Variants in CKAP2L observed in about 807,000 individuals in gnomAD.
CKAP2L encodes the protein cytoskeleton associated protein 2L, also known as cytoskeleton-associated protein 2-like.
A neutral mutation model predicts 65.7 loss-of-function variants in CKAP2L; 42 were observed. That is an observed-to-expected ratio of 0.64 (90% CI 0.50 to 0.83). The LOEUF (loss-of-function observed/expected upper bound fraction) is 0.83, where lower values mean the gene tolerates loss of function less well. CKAP2L is among the 40% of genes least tolerant of loss of function. The pLI is 0.00. For synonymous variants in CKAP2L, 325 were observed against 313.5 expected, an observed-to-expected ratio of 1.04 and a Z score of -0.39; for missense variants, 908 against 871.0, an observed-to-expected ratio of 1.04 and a Z score of -0.53.
At chr2:112,760,285 A>G (rs1217732975) in intron 3 of CKAP2L, among the ~76,000 whole-genome samples, 1 of 152,194 alleles carries the variant, frequency 6.6e-6, no homozygotes, top group African/African-American at 2.4e-5. Context: ...GCAGCATACC[A>G]AAGTGGTTAA....
chr2:112,763,580 C>G (rs7591704), intron 1 of CKAP2L: 86,557 of 151,852 alleles, frequency 0.57, 26,175 homozygotes, highest in African/African-American at 0.79. Context: ...CCATAAGAGA[C>G]GAAAAGAAGT....
intron 8 of CKAP2L, 75 bp downstream of exon 8, chr2:112,740,743 A>T: frequency 8.0e-7 from 1 of 1,249,000 alleles, no homozygotes; most frequent in South Asian, 1.4e-5. Flanking sequence ...GTTACTCTAG[A>T]TCTGTGAAGG....
rs1680394542 is a variant in CKAP2L at position 112,752,290 on chromosome 2, CTGTCAGAGTGTTGT to C, written c.1565_1578del (p.Asn522ArgfsTer13). 6.2e-7 allele frequency: 1 copy of C among 1,613,626 alleles called. No individual in the cohort carries two copies. Among genetic ancestry groups the C allele is most frequent in the African/African-American group, 1.3e-5 (1 of 74,912 alleles). On this transcript the variant is annotated frameshift_variant, in exon 5 of 9. Coordinates refer to ENST00000302450, the MANE Select transcript of CKAP2L (RefSeq NM_152515.5). LOFTEE classifies it high-confidence loss of function. Reference sequence around the variant, plus strand: ...ACCCCTTCGATGAGGTTCAGACATTCTGTCAGAGTGTTGTTAATTTTACTGGACAGTTCGAGTTG... The same window carrying C: ...ACCCCTTCGATGAGGTTCAGACATTCTAATTTTACTGGACAGTTCGAGTTG...
chr2:112,746,638 T>G, intron 5 of CKAP2L, 63 bp from the exon 6 acceptor site: 72 of 1,202,118 alleles, frequency 6.0e-5, no homozygotes, highest in Non-Finnish European at 7.6e-5. Context: ...TCACATCTCC[T>G]AATATTTATT....
intron 1 of CKAP2L, among the ~76,000 whole-genome samples, chr2:112,763,133 T>C (rs1226257134): frequency 6.6e-6 from 1 of 152,206 alleles, no homozygotes; most frequent in East Asian, 1.9e-4. Context: ...CAATGAGTTT[T>C]TGCAATCTGA....
At chr2:112,753,539 TTTTTTTTTGAGACAG>T (rs1295061237) in intron 4 of CKAP2L, among the ~76,000 whole-genome samples, 2 of 143,056 alleles carry the variant, frequency 1.4e-5, no homozygotes, top group Non-Finnish European at 3.0e-5. Flanking sequence ...TTTTTTTTTT[TTTTTTTTTGAGACAG>T]TTTTGCTCTG....
Position 112,756,561 on chromosome 2 carries a change from T to C in CKAP2L, c.810A>G (p.Pro270=), listed in dbSNP as rs1415236314. ...QLSRGADLAR[P]GVKPSRTVPS... The stretch of plus-strand genomic sequence containing the variant: ...GAACCGTCCTTGAGGGTTTTACTCC[T>C]GGTCTTGCAAGATCTGCTCCTCTAG... The change falls in exon 4 of 9, where the codon CCA becomes CCG. Residue 270 remains proline, a synonymous_variant. Coordinates refer to ENST00000302450, the MANE Select transcript of CKAP2L (RefSeq NM_152515.5). 6.2e-7 allele frequency: 1 copy of C among 1,612,164 alleles called. No homozygotes were observed. The highest frequency in any genetic ancestry group is 1.7e-5 in the Admixed American group (1 of 59,526).
rs1467814634 is a variant in CKAP2L at position 112,736,391 on chromosome 2, C to T, written c.*2432G>A. ...TTTTATTAGGTATATTTAAGATTTA[C>T]AACATGATGTTATGGGATACATATA... On this transcript the variant is annotated 3_prime_UTR_variant, in exon 9 of 9. Coordinates refer to ENST00000302450, the MANE Select transcript of CKAP2L (RefSeq NM_152515.5). Among the ~76,000 whole-genome samples the T allele has an allele frequency of 2.0e-5, 3 of 152,172 alleles. No homozygotes were observed. Among genetic ancestry groups the T allele is most frequent in the African/African-American group, 7.2e-5 (3 of 41,440 alleles).
At chr2:112,755,124 G>A (rs555054662) in intron 4 of CKAP2L, among the ~76,000 whole-genome samples, 2 of 152,134 alleles carry the variant, frequency 1.3e-5, no homozygotes, top group East Asian at 1.9e-4. Context: ...CCCTTCACTC[G>A]TCAGAAATTT....
intron 1 of CKAP2L, among the ~76,000 whole-genome samples, chr2:112,763,186 A>G (rs1680784530): frequency 1.3e-5 from 2 of 152,186 alleles, no homozygotes. Flanking sequence ...TACCCAGCTA[A>G]TATGTGGCAA....
intron 8 of CKAP2L, among the ~76,000 whole-genome samples, chr2:112,740,118 T>C (rs1198659150): frequency 6.6e-6 from 1 of 152,248 alleles, no homozygotes; most frequent in Non-Finnish European, 1.5e-5. Context: ...TTAACTGTTT[T>C]CATCTACTTA....
chr2:112,743,151 A>G (rs1205679847), intron 6 of CKAP2L, among the ~76,000 whole-genome samples: 2 of 151,988 alleles, frequency 1.3e-5, no homozygotes, highest in Non-Finnish European at 2.9e-5. Context: ...ATAGATATAG[A>G]TATATTTTCT....
chr2:112,760,677 G>A lies in CKAP2L; in HGVS notation c.156+36C>T, dbSNP rs756513928. 5 of 999,724 alleles carry A rather than the reference G, an allele frequency of 5.0e-6. 1 individual carries two copies. In the South Asian group the frequency reaches 5.6e-5, roughly 11 times the overall value. 61.9% of individuals were successfully genotyped at this position (999,724 alleles called of 1,614,324 possible). On this transcript the variant is annotated intron_variant, in intron 3 of 8. Transcript: ENST00000302450. ...TATTTTTATTACTAATCATACTTAT[G>A]AATGCATATTTTTAAAAAGACTAAT...
chr2:112,739,055 G>C lies in CKAP2L; in HGVS notation c.2013-7C>G, dbSNP rs142117171. 1 of 1,599,934 alleles carries C rather than the reference G, an allele frequency of 6.3e-7. No homozygotes were observed. The highest frequency in any genetic ancestry group is 2.2e-5 in the East Asian group (1 of 44,794). On this transcript the variant is annotated splice_polypyrimidine_tract_variant and splice_region_variant and intron_variant, in intron 8 of 8. Coordinates refer to ENST00000302450, the MANE Select transcript of CKAP2L (RefSeq NM_152515.5). Reference sequence around the variant, plus strand: ...TTCCGGCATCCCATTTATTCTGAGAGACAGCAAGAGATGCATTAAAAACCT... The same window carrying C: ...TTCCGGCATCCCATTTATTCTGAGACACAGCAAGAGATGCATTAAAAACCT...
Position 112,764,566 on chromosome 2 carries a change from AGCGGCAGCAGCGG to A in CKAP2L, c.20_32del (p.Thr7MetfsTer19). 6.2e-7 allele frequency: 1 copy of A among 1,614,088 alleles called. No homozygotes were observed. The highest frequency in any genetic ancestry group is 8.5e-7 in the Non-Finnish European group (1 of 1,179,982). On this transcript the variant is annotated frameshift_variant, in exon 1 of 9. Coordinates refer to ENST00000302450, the MANE Select transcript of CKAP2L (RefSeq NM_152515.5). LOFTEE classifies it high-confidence loss of function. ...GGGAACAGCGGTCGTACTCACCGAC[AGCGGCAGCAGCGG>A]TAGGCCCGGGCCCCACCATGACTCT...
intron 5 of CKAP2L, among the ~76,000 whole-genome samples, chr2:112,750,015 C>A (rs1680318006): frequency 6.6e-6 from 1 of 152,174 alleles, no homozygotes; most frequent in South Asian, 2.1e-4. Context: ...AGCAGAAGCA[C>A]CAAATGGATA....
intron 4 of CKAP2L, among the ~76,000 whole-genome samples, chr2:112,755,592 G>T (rs768053153): frequency 2.6e-4 from 39 of 152,212 alleles, no homozygotes; most frequent in Non-Finnish European, 5.0e-4. Flanking sequence ...TGCTTGACAA[G>T]AGATTACCAT....
At chr2:112,741,940 GTTTTTTTTTTTT>G (rs57634251) in intron 7 of CKAP2L, among the ~76,000 whole-genome samples, 53 of 71,910 alleles carry the variant, frequency 7.4e-4, no homozygotes, top group South Asian at 1.7e-3. Flanking sequence ...TTTCTTTTCT[GTTTTTTTTTTTT>G]TTTTTTTTTT....
At chr2:112,753,808 G>A (rs1252561903) in intron 4 of CKAP2L, among the ~76,000 whole-genome samples, 4 of 152,080 alleles carry the variant, frequency 2.6e-5, no homozygotes, top group African/African-American at 7.2e-5. Context: ...GATTACAGGC[G>A]TGAACCATTG....
Sources: gnomAD v4.1 joint callset for allele counts (sites outside exome capture counted in the v4.1 genomes callset) on GRCh38, gnomAD v4.1.1 for gene constraint, MANE v1.5 for transcripts, NCBI Gene and HGNC (gene_info 2026-07-23, HGNC 2026-07-21) for gene names.